Variants in LARGE1 observed in about 807,000 individuals in gnomAD.
LARGE1 encodes LARGE xylosyl- and glucuronyltransferase 1.
In LARGE1, 43 loss-of-function variants were observed where a neutral mutation model predicts 87.6. The observed-to-expected ratio is 0.49, with a 90% CI of 0.38 to 0.63. The LOEUF (loss-of-function observed/expected upper bound fraction) is 0.63. LARGE1 is among the 30% of genes least tolerant of loss of function. LARGE1 has a pLI of 0.00. For missense variants in LARGE1, 802 were observed against 1,000.2 expected (o/e 0.80, Z 2.67); for synonymous variants, 434 against 394.6 (o/e 1.10, Z -1.18).
At chr22:33,274,646 G>T (rs370457529) in intron 14 of LARGE1, 22 bp from the exon 15 acceptor site, 1 of 1,609,424 alleles carries the variant, frequency 6.2e-7, no homozygotes, top group Non-Finnish European at 8.5e-7. Flanking sequence ...CAAGAGCAGC[G>T]TGAGAACCCG....
At chr22:33,315,783 C>T (rs1382986799) in intron 11 of LARGE1, among the ~76,000 whole-genome samples, 2 of 152,186 alleles carry the variant, frequency 1.3e-5, no homozygotes, top group Admixed American at 6.5e-5. Flanking sequence ...GCGCACACCA[C>T]CATGCCCAGC....
intron 3 of LARGE1, among the ~76,000 whole-genome samples, chr22:33,643,884 G>C (rs1241801510): frequency 6.6e-6 from 1 of 152,102 alleles, no homozygotes; most frequent in Admixed American, 6.5e-5. Context: ...TCCCTGAATA[G>C]ACCAATAACA....
At chr22:33,097,141 G>C in the LARGE1 span, among the ~76,000 whole-genome samples, 3 of 152,234 alleles carry the variant, frequency 2.0e-5, no homozygotes, top group African/African-American at 7.2e-5. Flanking sequence ...TGAGACACCA[G>C]ATGGATGAGA....
downstream of LARGE1, among the ~76,000 whole-genome samples, chr22:33,270,716 G>A (rs1456436481): frequency 1.3e-5 from 2 of 152,124 alleles, no homozygotes; most frequent in African/African-American, 4.8e-5. Context: ...CACTAACACA[G>A]AGCTCCCTAA....
At chr22:33,791,234 T>C (rs757082207) in intron 1 of LARGE1, among the ~76,000 whole-genome samples, 12 of 152,308 alleles carry the variant, frequency 7.9e-5, no homozygotes, top group Non-Finnish European at 1.8e-4. Flanking sequence ...CCAGGAAGTT[T>C]AGGAATGGTG....
intron 11 of LARGE1, among the ~76,000 whole-genome samples, chr22:33,182,650 A>G (rs1923233087): frequency 6.6e-6 from 1 of 152,230 alleles, no homozygotes. Flanking sequence ...AACAGAAGAT[A>G]GTCCAGAAAT....
Position 33,362,866 on chromosome 22 carries a change from T to A in LARGE1, c.1131+19053A>T, listed in dbSNP as rs1333916342. On this transcript the variant is annotated intron_variant, in intron 9 of 14. Coordinates refer to ENST00000397394, the MANE Select transcript of LARGE1 (RefSeq NM_133642.5). ...ACCCAGGACCGTCCTCCAATTGTTT[T>A]GGAAGAGTCCTTAAGTTCTTGTTTC... Among the ~76,000 whole-genome samples the A allele has an allele frequency of 3.3e-5, 5 of 149,854 alleles. 2 individuals carry two copies. Among genetic ancestry groups the A allele is most frequent in the Non-Finnish European group, 7.4e-5 (5 of 67,158 alleles).
intron 10 of LARGE1, among the ~76,000 whole-genome samples, chr22:33,318,234 CAAAA>C (rs10635054): frequency 8.8e-6 from 1 of 114,144 alleles, no homozygotes. Context: ...GACTCCATCT[CAAAA>C]AAAAAAAAAA....
chr22:33,308,367 G>A (rs1175934810), intron 11 of LARGE1, among the ~76,000 whole-genome samples: 1 of 152,198 alleles, frequency 6.6e-6, no homozygotes, highest in African/African-American at 2.4e-5. Context: ...TGCAACTGTA[G>A]GTTTTGGGGT....
chr22:33,636,182 C>T (rs1328555447), intron 3 of LARGE1, among the ~76,000 whole-genome samples: 6 of 152,044 alleles, frequency 3.9e-5, no homozygotes, highest in East Asian at 1.9e-4. Flanking sequence ...AGGATGAGAC[C>T]GATTTTGGGG....
chr22:33,715,176 G>C (rs1280922543), intron 2 of LARGE1, among the ~76,000 whole-genome samples: 1 of 152,166 alleles, frequency 6.6e-6, no homozygotes, highest in African/African-American at 2.4e-5. Context: ...AGAAAATTAA[G>C]TAGTTGTATG....
At chr22:33,820,466 C>G (rs923459503) in intron 1 of LARGE1, among the ~76,000 whole-genome samples, 1 of 151,868 alleles carries the variant, frequency 6.6e-6, no homozygotes, top group Non-Finnish European at 1.5e-5. Flanking sequence ...GGACTACAAG[C>G]GCATGCCACC....
intron 11 of LARGE1, among the ~76,000 whole-genome samples, chr22:33,233,408 T>C (rs997227575): frequency 4.6e-5 from 7 of 152,180 alleles, no homozygotes; most frequent in Admixed American, 2.6e-4. Context: ...ACATGTGTCC[T>C]ATGTCTACAG....
the LARGE1 span, among the ~76,000 whole-genome samples, chr22:33,079,221 C>CTTTTTTT: frequency 1.2e-5 from 1 of 85,776 alleles, no homozygotes; most frequent in Non-Finnish European, 2.2e-5. Context: ...AGTTATCATT[C>CTTTTTTT]TTTTTTTTTT....
At chr22:33,183,425 T>TC (rs1923278454) in intron 11 of LARGE1, among the ~76,000 whole-genome samples, 1 of 151,992 alleles carries the variant, frequency 6.6e-6, no homozygotes, top group South Asian at 2.1e-4. Context: ...TGGAAATTCT[T>TC]CAAAAAAATT....
At chr22:33,430,172 C>T (rs767520824) in intron 7 of LARGE1, among the ~76,000 whole-genome samples, 2 of 152,152 alleles carry the variant, frequency 1.3e-5, no homozygotes, top group Non-Finnish European at 2.9e-5. Context: ...AGGGTTGCAG[C>T]CTTCGATGCT....
intron 1 of LARGE1, among the ~76,000 whole-genome samples, chr22:33,885,032 G>A (rs2064805764): frequency 6.6e-6 from 1 of 152,240 alleles, no homozygotes; most frequent in Non-Finnish European, 1.5e-5. Flanking sequence ...GAGTTAGGCA[G>A]TTTTTAAATG....
chr22:33,100,433 C>T, the LARGE1 span, among the ~76,000 whole-genome samples: 348 of 151,774 alleles, frequency 2.3e-3, 3 homozygotes, highest in African/African-American at 8.2e-3. Flanking sequence ...AAATCACTTC[C>T]TCAGTTGTAC....
At chr22:33,435,300 C>T (rs1292002235) in intron 6 of LARGE1, among the ~76,000 whole-genome samples, 5 of 152,182 alleles carry the variant, frequency 3.3e-5, no homozygotes, top group Non-Finnish European at 7.3e-5. Context: ...CCATGCCTGG[C>T]TCCTACGGGT....
Sources: allele counts gnomAD v4.1 joint callset (sites outside exome capture counted in the v4.1 genomes callset), GRCh38; gene constraint gnomAD v4.1.1; transcripts MANE v1.5; gene names NCBI Gene and HGNC (gene_info 2026-07-23, HGNC 2026-07-21).